Variants in FGF12 observed in about 807,000 individuals in gnomAD.
FGF12 encodes fibroblast growth factor 12B.
A neutral mutation model predicts 23.6 loss-of-function variants in FGF12; 14 were observed. That is an observed-to-expected ratio of 0.59 (90% CI 0.39 to 0.93). The LOEUF (loss-of-function observed/expected upper bound fraction) is 0.93. Among genes scored for constraint, FGF12 ranks in the 40% least tolerant of loss-of-function variants. The pLI is 0.00. For missense variants in FGF12, 175 were observed against 217.8 expected (o/e 0.80, Z 1.24); for synonymous variants, 62 against 77.3 (o/e 0.80, Z 1.04).
At chr3:192,607,846 T>TAAA (rs36061162) in intron 2 of FGF12, among the ~76,000 whole-genome samples, 60 of 121,958 alleles carry the variant, frequency 4.9e-4, no homozygotes, top group African/African-American at 6.7e-4. Flanking sequence ...CACTGAAAAT[T>TAAA]AAAAAAAAAA....
chr3:192,628,442 T>TACACACACAC (rs60991895), intron 2 of FGF12, among the ~76,000 whole-genome samples: 3 of 134,984 alleles, frequency 2.2e-5, no homozygotes, highest in African/African-American at 8.5e-5. Flanking sequence ...ACCAAAGGAA[T>TACACACACAC]ACACACACAC....
chr3:192,501,558 T>C (rs1392953118), intron 2 of FGF12, among the ~76,000 whole-genome samples: 1 of 152,174 alleles, frequency 6.6e-6, no homozygotes, highest in East Asian at 1.9e-4. Flanking sequence ...GTTAGCGTAA[T>C]AGTAACTACA....
intron 2 of FGF12, among the ~76,000 whole-genome samples, chr3:192,663,948 T>C (rs900179397): frequency 2.6e-5 from 4 of 152,190 alleles, no homozygotes; most frequent in African/African-American, 9.7e-5. Flanking sequence ...AGGCAGGTAA[T>C]AGTATCCCCA....
chr3:192,208,832 G>A (rs566262832), intron 4 of FGF12, among the ~76,000 whole-genome samples: 25 of 152,264 alleles, frequency 1.6e-4, no homozygotes, highest in African/African-American at 5.8e-4. Flanking sequence ...CAGTTGCCAC[G>A]TGAGAGGTAT....
At chr3:192,671,466 A>C (rs1717114028) in intron 2 of FGF12, among the ~76,000 whole-genome samples, 1 of 152,134 alleles carries the variant, frequency 6.6e-6, no homozygotes, top group Non-Finnish European at 1.5e-5. Context: ...CATGTTCTCT[A>C]ATCACCAGTT....
chr3:192,365,790 G>A (rs9861306), intron 2 of FGF12, among the ~76,000 whole-genome samples: 32,300 of 151,738 alleles, frequency 0.21, 3,636 homozygotes, highest in Admixed American at 0.29. Flanking sequence ...CTATCTAGAC[G>A]TTCCTGCCGG....
chr3:192,624,213 C>T (rs1715075326), intron 2 of FGF12, among the ~76,000 whole-genome samples: 1 of 151,728 alleles, frequency 6.6e-6, no homozygotes, highest in African/African-American at 2.4e-5. Context: ...AAAAATCCCA[C>T]ATGAAACTGA....
At chr3:192,638,847 C>G (rs1324060141) in intron 2 of FGF12, among the ~76,000 whole-genome samples, 1 of 152,116 alleles carries the variant, frequency 6.6e-6, no homozygotes, top group Non-Finnish European at 1.5e-5. Context: ...CCAAATGATT[C>G]CCAGGAGGCA....
chr3:192,614,592 T>C (rs929469510), intron 2 of FGF12, among the ~76,000 whole-genome samples: 2 of 152,058 alleles, frequency 1.3e-5, no homozygotes, highest in Non-Finnish European at 2.9e-5. Flanking sequence ...TTCTTTGTAT[T>C]GCTACAAATG....
intron 2 of FGF12, among the ~76,000 whole-genome samples, chr3:192,620,244 G>A (rs62293021): frequency 0.23 from 24,243 of 105,136 alleles, 2,225 homozygotes; most frequent in African/African-American, 0.42. Flanking sequence ...ACACACACGC[G>A]CGCGCGCGCG....
In FGF12 at chr3:192,514,427, C is replaced by T. The variant is rs1020017034; in HGVS notation, c.14-153889G>A. On this transcript the variant is annotated intron_variant, in intron 2 of 5. Transcript: ENST00000445105. This position sits in a 1 kb window ranked among gnomAD's most constrained non-coding sequence, Gnocchi z 4.9. ...AGACCCGCAGGTTTCAGCCCAGGCG[C>T]GCCCGGCGAAAGCCAACGCGCTCTC... is the stretch of plus-strand genomic sequence containing the variant. Among the ~76,000 whole-genome samples, 1 of 152,316 alleles carries T rather than the reference C, an allele frequency of 6.6e-6. No homozygotes were observed. Among genetic ancestry groups the T allele is most frequent in the Non-Finnish European group, 1.5e-5 (1 of 68,028 alleles).
At chr3:192,242,104 A>G (rs1324120451) in intron 4 of FGF12, among the ~76,000 whole-genome samples, 1 of 152,244 alleles carries the variant, frequency 6.6e-6, no homozygotes, top group Admixed American at 6.5e-5. Context: ...TTCAGAAATT[A>G]GTTAAAAATC....
At chr3:192,660,070 T>C (rs572187299) in intron 2 of FGF12, among the ~76,000 whole-genome samples, 1 of 151,942 alleles carries the variant, frequency 6.6e-6, no homozygotes, top group Non-Finnish European at 1.5e-5. Context: ...CGTATGTTTA[T>C]TGTGGCACTA....
At chr3:192,651,103 G>A (rs911760421) in intron 2 of FGF12, among the ~76,000 whole-genome samples, 7 of 152,206 alleles carry the variant, frequency 4.6e-5, no homozygotes, top group African/African-American at 1.4e-4. Flanking sequence ...GAAGTTAAAT[G>A]TGTAAATTCA....
intron 4 of FGF12, among the ~76,000 whole-genome samples, chr3:192,311,228 A>G (rs1715916415): frequency 6.6e-6 from 1 of 152,174 alleles, no homozygotes; most frequent in South Asian, 2.1e-4. Flanking sequence ...TTGTAAAACC[A>G]TCACCCCAAT....
At chr3:192,366,656 A>G (rs1227851839) in intron 2 of FGF12, among the ~76,000 whole-genome samples, 1 of 152,320 alleles carries the variant, frequency 6.6e-6, no homozygotes, top group African/African-American at 2.4e-5. Flanking sequence ...ACTTTAAAAG[A>G]GTACTGGCAA....
rs183591169 is a variant in FGF12, at chr3:192,449,482, G to A, written c.14-88944C>T. 2.0e-4 allele frequency among the ~76,000 whole-genome samples: 30 copies of A among 152,204 alleles called. No individual in the cohort carries two copies. The East Asian group carries it at 4.5e-3, about 23-fold the overall frequency. ...CCAGGTTCCACAGCACCCTGCTGTC[G>A]GGTAAGCTCCTGTGCACCTGCCAGG... On this transcript the variant is annotated intron_variant, in intron 2 of 5. Coordinates refer to ENST00000445105, the MANE Select transcript of FGF12 (RefSeq NM_004113.6).
intron 2 of FGF12, among the ~76,000 whole-genome samples, chr3:192,468,725 T>C (rs1723078182): frequency 1.3e-5 from 2 of 152,066 alleles, no homozygotes; most frequent in Non-Finnish European, 2.9e-5. Context: ...AGTTAATATA[T>C]ATCTTGAGGA....
intron 2 of FGF12, among the ~76,000 whole-genome samples, chr3:192,421,719 A>G (rs1179677449): frequency 6.6e-6 from 1 of 152,124 alleles, no homozygotes; most frequent in Non-Finnish European, 1.5e-5. Flanking sequence ...TACCTAATGT[A>G]GGTGACGGGT....
Sources: allele counts gnomAD v4.1 joint callset (sites outside exome capture counted in the v4.1 genomes callset), GRCh38; gene constraint gnomAD v4.1.1; non-coding constraint Gnocchi (gnomAD v3.1); transcripts MANE v1.5; gene names NCBI Gene and HGNC (gene_info 2026-07-23, HGNC 2026-07-21).